SH3TC2: variants seen among roughly 807,000 people sequenced by gnomAD.
The protein encoded by SH3TC2 is SH3 domain and tetratricopeptide repeats 2, also known as SH3 domain and tetratricopeptide repeat-containing protein 2.
In SH3TC2, 87 loss-of-function variants were observed where a neutral mutation model predicts 124.5. That is an observed-to-expected ratio of 0.70 (90% confidence interval 0.59 to 0.84). The LOEUF (loss-of-function observed/expected upper bound fraction) is 0.84. Ranked by LOEUF, SH3TC2 falls within the 40% of genes least tolerant of loss-of-function variation. SH3TC2 has a pLI of 0.00. For missense variants in SH3TC2, 1,536 were observed against 1,566.4 expected (o/e 0.98, Z 0.33); for synonymous variants, 634 against 628.5 (o/e 1.01, Z -0.13).
chr5:148,982,221 C>T lies in SH3TC2; in HGVS notation c.*22490G>A, dbSNP rs1753261427. On this transcript the variant is annotated 3_prime_UTR_variant, in exon 17 of 17. Coordinates refer to ENST00000515425, the MANE Select transcript of SH3TC2 (RefSeq NM_024577.4). ...GAGATACCACCTCACAACTATTAAA[C>T]ACTCAAAGACAACATTAGTAACTGG... Among the ~76,000 whole-genome samples the T allele has an allele frequency of 1.3e-5, 2 of 151,974 alleles. No homozygotes were observed. The highest frequency in any genetic ancestry group is 1.9e-4 in the East Asian group (1 of 5,168).
At chr5:149,037,129 C>T (rs554370635) in intron 8 of SH3TC2, among the ~76,000 whole-genome samples, 1 of 152,336 alleles carries the variant, frequency 6.6e-6, no homozygotes, top group African/African-American at 2.4e-5. Flanking sequence ...ACCTTTGCTG[C>T]ACCAGTGACC....
chr5:149,004,728 C>G lies in SH3TC2; in HGVS notation c.3850G>C (p.Gly1284Arg), dbSNP rs775132933. 5 of 1,613,290 alleles carry G rather than the reference C, an allele frequency of 3.1e-6. No homozygotes were observed. The highest frequency in any genetic ancestry group is 4.2e-6 in the Non-Finnish European group (5 of 1,179,994). The change falls in exon 17 of 17, where the codon GGT becomes CGT. Residue 1284 changes from glycine to arginine, a missense_variant. By Grantham distance (125) the Gly-to-Arg change is moderately radical. Transcript: ENST00000515425. ...AGCTTTCCTCAGAGGGCCAGGCCACCACCACTCAGCCACCGCGCCCTCTCT... is the reference window on the plus strand; with the variant it reads ...AGCTTTCCTCAGAGGGCCAGGCCACGACCACTCAGCCACCGCGCCCTCTCT... ...SSERARWLSG[G>R]GLAL
At chr5:149,031,504 T>C (rs1029717311) in intron 9 of SH3TC2, 50 bp downstream of exon 9, 1 of 1,613,274 alleles carries the variant, frequency 6.2e-7, no homozygotes, top group African/African-American at 1.3e-5. Context: ...GACACTATCT[T>C]ATTCTTGAGG....
intron 3 of SH3TC2, chr5:149,045,485 C>T (rs1457741411): frequency 6.6e-6 from 1 of 152,112 alleles, no homozygotes. Context: ...TGTTTTAACA[C>T]ATGTATTTCT....
chr5:149,026,222 A>G, intron 12 of SH3TC2: 2 of 294,510 alleles, frequency 6.8e-6, no homozygotes, highest in Non-Finnish European at 1.3e-5. Flanking sequence ...GGTTATAGAA[A>G]CACACAAGTA....
At chr5:149,059,306 C>T (rs1754705408) in intron 1 of SH3TC2, among the ~76,000 whole-genome samples, 1 of 152,070 alleles carries the variant, frequency 6.6e-6, no homozygotes, top group African/African-American at 2.4e-5. Context: ...CTACATTAAC[C>T]TGACCTCAGA....
In SH3TC2 at chr5:149,008,916, C is replaced by T. The variant is rs150805608; in HGVS notation, c.3413G>A (p.Ser1138Asn). Residue 1138 changes from serine to asparagine, a missense_variant, in exon 15 of 17, where the codon AGC becomes AAC. Ser to Asn is a conservative substitution (Grantham distance 46). Around this residue, in one of 3 missense-constraint regions of SH3TC2, gnomAD observed 426 missense variants for 443.5 expected, o/e 0.96. Transcript: ENST00000515425. ...CAAAGCCTTCTCATAGCCTTCGAGG[C>T]TAATCTGCAGCTCTGTCAGCTTATT... ...IFNKLTELQI[S>N]LEGYEKALEF... The T allele has an allele frequency of 2.2e-4, 363 of 1,614,106 alleles. No homozygotes were observed. The highest frequency in any genetic ancestry group is 3.0e-4 in the Non-Finnish European group (350 of 1,180,056).
At chr5:149,012,181 A>G (rs2127393263) in intron 13 of SH3TC2, among the ~76,000 whole-genome samples, 1 of 152,312 alleles carries the variant, frequency 6.6e-6, no homozygotes, top group East Asian at 1.9e-4. Flanking sequence ...AACAAACAAA[A>G]AAATAAGAGA....
At chr5:149,051,225 G>A (rs908864990) in intron 2 of SH3TC2, among the ~76,000 whole-genome samples, 11 of 152,326 alleles carry the variant, frequency 7.2e-5, no homozygotes, top group African/African-American at 2.6e-4. Context: ...TGAGAGATGT[G>A]TATTAAGAAT....
chr5:149,031,700 A>C lies in SH3TC2; in HGVS notation c.1002-13T>G. The C allele has an allele frequency of 6.2e-7, 1 of 1,613,784 alleles. No homozygotes were observed. The highest frequency in any genetic ancestry group is 8.5e-7 in the Non-Finnish European group (1 of 1,179,972). ...AGAGTTCCTGCTCCTGCATCGGGGCAAAAAACACAGAGACAGATTACTGCA... is the reference window on the plus strand; with the variant it reads ...AGAGTTCCTGCTCCTGCATCGGGGCCAAAAACACAGAGACAGATTACTGCA... On this transcript the variant is annotated splice_polypyrimidine_tract_variant and intron_variant, in intron 8 of 16. Transcript: ENST00000515425.
Position 148,996,386 on chromosome 5 carries a change from C to G in SH3TC2, c.*8325G>C, listed in dbSNP as rs1753510354. ...TATCAGTTTATATAAGCTCTTAGGA[C>G]TGTAAAACAACCGGAAATGAAAATC... On this transcript the variant is annotated 3_prime_UTR_variant, in exon 17 of 17. Transcript: ENST00000515425. Among the ~76,000 whole-genome samples, 1 of 152,158 alleles carries G rather than the reference C, an allele frequency of 6.6e-6. No individual in the cohort carries two copies. The highest frequency in any genetic ancestry group is 2.4e-5 in the African/African-American group (1 of 41,438).
Position 149,027,492 on chromosome 5 carries a change from C to T in SH3TC2, c.2240G>A (p.Cys747Tyr), listed in dbSNP as rs1754091138. ...GGTGCTCCGGTCTGCTAGTTCCTCACAGGCAGCCAGGGCCTGTCTGAGCAT... is the reference window on the plus strand; with the variant it reads ...GGTGCTCCGGTCTGCTAGTTCCTCATAGGCAGCCAGGGCCTGTCTGAGCAT... ...CPMLRQALAA[C>Y]EELADRSTQR... Residue 747 changes from cysteine (C) to tyrosine (Y), a missense_variant, in exon 11 of 17, where the codon TGT becomes TAT. By Grantham distance (194) the Cys-to-Tyr change is radical. Coordinates refer to ENST00000515425, the MANE Select transcript of SH3TC2 (RefSeq NM_024577.4). 6.2e-7 allele frequency: 1 copy of T among 1,614,092 alleles called. No homozygotes were observed. The highest frequency in any genetic ancestry group is 1.3e-5 in the African/African-American group (1 of 74,942).
At chr5:149,005,591 A>G (rs1032962840) in intron 16 of SH3TC2, among the ~76,000 whole-genome samples, 1 of 152,146 alleles carries the variant, frequency 6.6e-6, no homozygotes, top group Non-Finnish European at 1.5e-5. Context: ...ACTGGGAGCT[A>G]TGGGGCAGAG....
At position 148,983,431 on chromosome 5, in the gene SH3TC2, T is replaced by A. The variant is rs1401585026; in HGVS notation, c.*21280A>T. Among the ~76,000 whole-genome samples, 2 of 151,972 alleles carry A rather than the reference T, an allele frequency of 1.3e-5. No homozygotes were observed. Among genetic ancestry groups the A allele is most frequent in the South Asian group, 2.1e-4 (1 of 4,806 alleles). On this transcript the variant is annotated 3_prime_UTR_variant, in exon 17 of 17. Coordinates refer to ENST00000515425, the MANE Select transcript of SH3TC2 (RefSeq NM_024577.4). ...GATAGCAAGGAGCACCAAGAAAAAA[T>A]TTGCTGGGAATAGGAGCATCTTGTT...
Position 148,991,864 on chromosome 5 carries a change from G to A in SH3TC2, c.*12847C>T, listed in dbSNP as rs534278887. 9.2e-5 allele frequency among the ~76,000 whole-genome samples: 14 copies of A among 152,322 alleles called. No homozygotes were observed. Among genetic ancestry groups the A allele is most frequent in the African/African-American group, 3.4e-4 (14 of 41,572 alleles). ...CACATGGGACTTTATCCATGGAGGT[G>A]AGCCTCCTCTTGCACTGGAAGCTGG... On this transcript the variant is annotated 3_prime_UTR_variant, in exon 17 of 17. Transcript: ENST00000515425.
At chr5:149,040,700 T>G (rs1409733262) in intron 6 of SH3TC2, 23 bp from the exon 7 acceptor site, 46 of 1,609,434 alleles carry the variant, frequency 2.9e-5, no homozygotes, top group Non-Finnish European at 3.7e-5. Context: ...ACATGGGGTT[T>G]GCAAACACAG....
At chr5:149,056,610 T>C (rs1754652901) in intron 1 of SH3TC2, among the ~76,000 whole-genome samples, 3 of 152,180 alleles carry the variant, frequency 2.0e-5, no homozygotes, top group African/African-American at 4.8e-5. Context: ...GCACTTTGGG[T>C]ATTTCTGATG....
intron 12 of SH3TC2, among the ~76,000 whole-genome samples, chr5:149,022,618 C>A (rs924375208): frequency 1.3e-5 from 2 of 152,102 alleles, no homozygotes; most frequent in Non-Finnish European, 2.9e-5. Context: ...TTCATAATAG[C>A]CACAAAGTGG....
At chr5:149,014,071 T>C (rs10042466) in intron 12 of SH3TC2, among the ~76,000 whole-genome samples, 37,014 of 152,008 alleles carry the variant, frequency 0.24, 5,233 homozygotes, top group African/African-American at 0.37. Flanking sequence ...GTTTGCACAG[T>C]ACATTAGGGG....
Sources: gnomAD v4.1 joint callset for allele counts (sites outside exome capture counted in the v4.1 genomes callset) on GRCh38, gnomAD v4.1.1 for gene constraint, gnomAD v4.1.1 regional missense constraint, MANE v1.5 for transcripts, NCBI Gene and HGNC (gene_info 2026-07-23, HGNC 2026-07-21) for gene names.